Variants in DPP6 observed in about 807,000 individuals in gnomAD.
DPP6 encodes dipeptidyl peptidase like 6.
Under a neutral mutation model 122.6 loss-of-function variants are expected in DPP6, and 69 were observed. That is an observed-to-expected ratio of 0.56 (90% confidence interval 0.46 to 0.69). The LOEUF is 0.69. DPP6 is among the 30% of genes least tolerant of loss of function. The pLI is 0.00. For synonymous variants in DPP6, 418 were observed against 433.1 expected (o/e 0.97, Z 0.43); for missense variants, 928 against 1,116.9 (o/e 0.83, Z 2.41).
intron 1 of DPP6, among the ~76,000 whole-genome samples, chr7:154,329,784 C>A (rs1399381725): frequency 2.6e-5 from 4 of 152,140 alleles, no homozygotes; most frequent in African/African-American, 9.7e-5. Flanking sequence ...AACCCAAATG[C>A]CCATCAATGA....
intron 18 of DPP6, among the ~76,000 whole-genome samples, chr7:154,872,250 G>A (rs1277561252): frequency 1.3e-5 from 2 of 152,254 alleles, no homozygotes; most frequent in East Asian, 1.9e-4. Context: ...CAGCATCCCC[G>A]ATCAGATGCT....
intron 1 of DPP6, among the ~76,000 whole-genome samples, chr7:154,283,200 A>G (rs1804639856): frequency 6.6e-6 from 1 of 152,102 alleles, no homozygotes; most frequent in Non-Finnish European, 1.5e-5. Context: ...TAGGTCACTC[A>G]TTTGAGAGAC....
Position 154,428,857 on chromosome 7 carries a change from C to T in DPP6, c.244-17357C>T, listed in dbSNP as rs77265812. ...TTTGGAGACTCGCAAGTGGGGAGAG[C>T]GGAAGGGGTATGAGGGATAAAAAGA... is the stretch of plus-strand genomic sequence containing the variant. On this transcript the variant is annotated intron_variant, in intron 1 of 25. Coordinates refer to ENST00000377770, the MANE Select transcript of DPP6 (RefSeq NM_130797.4). Among the ~76,000 whole-genome samples, 3,262 of 151,940 alleles carry T rather than the reference C, an allele frequency of 0.021. 195 individuals carry two copies. The East Asian group carries it at 0.24, about 11-fold the overall frequency.
At chr7:154,406,027 T>C (rs898374480) in intron 1 of DPP6, among the ~76,000 whole-genome samples, 1 of 152,190 alleles carries the variant, frequency 6.6e-6, no homozygotes, top group Non-Finnish European at 1.5e-5. Flanking sequence ...TACATTAAGT[T>C]TTCTAAGAAA....
intron 1 of DPP6, among the ~76,000 whole-genome samples, chr7:154,254,294 A>G (rs891686137): frequency 2.0e-5 from 3 of 152,154 alleles, no homozygotes. Flanking sequence ...AATTTCTTTT[A>G]TATTGTTGTT....
At chr7:153,808,505 A>C in the DPP6 span, among the ~76,000 whole-genome samples, 1 of 151,984 alleles carries the variant, frequency 6.6e-6, no homozygotes, top group Non-Finnish European at 1.5e-5. Context: ...CCAAGTACAC[A>C]ATACAGTGTT....
At chr7:154,690,805 T>G (rs71534160) in intron 7 of DPP6, among the ~76,000 whole-genome samples, 3,976 of 152,276 alleles carry the variant, frequency 0.026, 61 homozygotes, top group Non-Finnish European at 0.04. Flanking sequence ...TTATTTGCCC[T>G]GATCACTTCA....
chr7:154,608,388 C>T (rs11243325), intron 5 of DPP6, among the ~76,000 whole-genome samples: 51,740 of 138,296 alleles, frequency 0.37, 10,518 homozygotes, highest in East Asian at 0.61. Flanking sequence ...AGTGCAGTGG[C>T]GCAATCTCAG....
intron 1 of DPP6, among the ~76,000 whole-genome samples, chr7:154,321,867 G>C (rs913057601): frequency 6.6e-6 from 1 of 151,270 alleles, no homozygotes; most frequent in African/African-American, 2.4e-5. Context: ...AGCGGCCTTA[G>C]ACCCTTGTCT....
chr7:154,074,672 A>G (rs1356357994), intron 1 of DPP6, among the ~76,000 whole-genome samples: 1 of 152,232 alleles, frequency 6.6e-6, no homozygotes, highest in Non-Finnish European at 1.5e-5. Flanking sequence ...CATAAGAGGA[A>G]TTGGCATAAG....
chr7:154,060,872 A>C (rs10228167), intron 1 of DPP6, among the ~76,000 whole-genome samples: 1 of 131,380 alleles, frequency 7.6e-6, no homozygotes, highest in African/African-American at 2.8e-5. Flanking sequence ...GACCCACATC[A>C]CAGAGTGGGG....
At chr7:154,778,628 C>T (rs1377513395) in intron 10 of DPP6, among the ~76,000 whole-genome samples, 1 of 148,988 alleles carries the variant, frequency 6.7e-6, no homozygotes, top group Non-Finnish European at 1.5e-5. Context: ...ATACAACCTC[C>T]ACCACCACCA....
chr7:153,901,256 A>T (rs1205850648), intron 1 of DPP6, among the ~76,000 whole-genome samples: 1 of 152,194 alleles, frequency 6.6e-6, no homozygotes, highest in Non-Finnish European at 1.5e-5. Context: ...AATATTCAAA[A>T]TGCTTAGAAA....
chr7:153,835,152 T>A, the DPP6 span, among the ~76,000 whole-genome samples: 2 of 152,254 alleles, frequency 1.3e-5, no homozygotes, highest in African/African-American at 2.4e-5. Flanking sequence ...GTCTAACATA[T>A]TGTTTCTTGT....
intron 10 of DPP6, among the ~76,000 whole-genome samples, chr7:154,788,305 G>A (rs1350527607): frequency 2.0e-5 from 3 of 152,010 alleles, no homozygotes; most frequent in South Asian, 2.1e-4. Context: ...TAAGCCGGGC[G>A]TGGTGGCGCA....
At chr7:153,820,620 T>G in the DPP6 span, among the ~76,000 whole-genome samples, 2 of 152,050 alleles carry the variant, frequency 1.3e-5, no homozygotes, top group African/African-American at 4.8e-5. Context: ...TCTGCCATAT[T>G]CCAGTAGCTA....
intron 1 of DPP6, among the ~76,000 whole-genome samples, chr7:154,020,049 T>G (rs973029858): frequency 5.9e-5 from 9 of 152,156 alleles, no homozygotes; most frequent in African/African-American, 1.9e-4. Context: ...AGACTCTGGG[T>G]GTACAGCAGA....
chr7:153,786,295 A>G, the DPP6 span, among the ~76,000 whole-genome samples: 2 of 148,186 alleles, frequency 1.3e-5, no homozygotes, highest in African/African-American at 5.0e-5. Flanking sequence ...ATACTAGTTA[A>G]AACATTAATG....
At chr7:154,047,685 G>A (rs1281228529), upstream of DPP6, among the ~76,000 whole-genome samples, 1 of 152,156 alleles carries the variant, frequency 6.6e-6, no homozygotes, top group Admixed American at 6.5e-5. Flanking sequence ...AATGTTGGTA[G>A]CACAAGGCAA....
Sources: allele counts gnomAD v4.1 joint callset (sites outside exome capture counted in the v4.1 genomes callset), GRCh38; gene constraint gnomAD v4.1.1; transcripts MANE v1.5; gene names NCBI Gene and HGNC (gene_info 2026-07-23, HGNC 2026-07-21).